NLRX1: variants seen among roughly 807,000 people sequenced by gnomAD.
NLRX1 encodes the protein NOD-like receptor X1.
A neutral mutation model predicts 74.2 loss-of-function variants in NLRX1; 67 were observed. The ratio of observed to expected loss-of-function variants is 0.90; its 90% CI spans 0.74 to 1.11. The LOEUF is 1.11. Ranked by LOEUF, NLRX1 falls within the 50% of genes least tolerant of loss-of-function variation. The pLI is 0.00. For missense variants in NLRX1, 1,191 were observed against 1,305.4 expected (o/e 0.91, Z 1.35); for synonymous variants, 506 against 559.1 (o/e 0.91, Z 1.34).
chr11:119,172,845 G>A, intron 3 of NLRX1, 56 bp from the exon 4 acceptor site: 2 of 1,326,478 alleles, frequency 1.5e-6, no homozygotes, highest in South Asian at 2.4e-5. Flanking sequence ...CCCAGAGCCT[G>A]TGAAGGGGCT....
chr11:119,177,806 A>G (rs1345119474), intron 6 of NLRX1: 1 of 152,064 alleles, frequency 6.6e-6, no homozygotes, highest in Non-Finnish European at 1.5e-5. Flanking sequence ...GGGATTCAGA[A>G]AGCCCCCAGT....
chr11:119,178,912 T>C (rs924484362), intron 6 of NLRX1, among the ~76,000 whole-genome samples: 39 of 152,284 alleles, frequency 2.6e-4, no homozygotes, highest in East Asian at 1.9e-4. Context: ...CTAGAACTCC[T>C]GGGCTCAAGT....
chr11:119,176,937 T>C (rs549563912), intron 6 of NLRX1, among the ~76,000 whole-genome samples: 79 of 152,306 alleles, frequency 5.2e-4, no homozygotes, highest in Non-Finnish European at 8.7e-4. Context: ...CTGTGAGACT[T>C]TGGACAGGTT....
chr11:119,172,976 C>T lies in NLRX1; in HGVS notation c.216C>T (p.Ser72=), dbSNP rs149657754. The change falls in exon 4 of 10, where the codon AGC becomes AGT. Residue 72 remains serine, a synonymous_variant. Coordinates refer to ENST00000409109, the MANE Select transcript of NLRX1 (RefSeq NM_001282144.2). ...GGAGGCATGGACGGCTGTTCCCCAG[C>T]GCCTCTGCAACTGGTAAAGGGACTG... is the stretch of plus-strand genomic sequence containing the variant. The part of the protein sequence containing the change: ...PPGRHGRLFP[S]ASATEAIQRH... 2.9e-5 allele frequency: 46 copies of T among 1,613,494 alleles called. No homozygotes were observed. The highest frequency in any genetic ancestry group is 2.4e-4 in the African/African-American group (18 of 74,944).
Position 119,174,457 on chromosome 11 carries a change from G to C in NLRX1, c.854G>C (p.Ser285Thr). Reference protein sequence around the residue: ...LLRKYMLPQASILVTTRPSAI... With the variant: ...LLRKYMLPQATILVTTRPSAI... ...TCTCAACCATGCTCTTCCCAGGCCA[G>C]CATTCTGGTGACCACTCGGCCCTCT... Residue 285 changes from serine to threonine, a missense_variant, in exon 6 of 10, where the codon AGC (serine) becomes ACC (threonine). Transcript: ENST00000409109. 2 of 1,612,928 alleles carry C rather than the reference G, an allele frequency of 1.2e-6. No individual in the cohort carries two copies. The highest frequency in any genetic ancestry group is 1.7e-6 in the Non-Finnish European group (2 of 1,179,166).
chr11:119,170,752 TGCTG>T (rs1489149749), intron 1 of NLRX1, among the ~76,000 whole-genome samples: 1 of 152,188 alleles, frequency 6.6e-6, no homozygotes, highest in Non-Finnish European at 1.5e-5. Context: ...TATCTGAGCT[TGCTG>T]GTGGCCAAGA....
At position 119,179,719 on chromosome 11, in the gene NLRX1, G is replaced by T. The variant is rs201906141; in HGVS notation, c.1698G>T (p.Met566Ile). The T allele has an allele frequency of 6.2e-7, 1 of 1,608,146 alleles. No homozygotes were observed. The highest frequency in any genetic ancestry group is 8.5e-7 in the Non-Finnish European group (1 of 1,175,878). The change falls in exon 7 of 10, where the codon ATG becomes ATT. Residue 566 changes from methionine to isoleucine, a missense_variant. By Grantham distance (10) the Met-to-Ile change is conservative (BLOSUM62 1). Coordinates refer to ENST00000409109, the MANE Select transcript of NLRX1 (RefSeq NM_001282144.2). ...IKVVPRVFGR[M>I]VGKSREAVAQ... is the part of the protein sequence containing the mutation. Reference sequence around the variant, plus strand: ...TGGTTCCACGAGTGTTTGGGCGCATGGTGGGTAAAAGCCGGGAGGCGGTGG... The same window carrying T: ...TGGTTCCACGAGTGTTTGGGCGCATTGTGGGTAAAAGCCGGGAGGCGGTGG...
chr11:119,173,825 G>A lies in NLRX1; in HGVS notation c.576G>A (p.Glu192=), dbSNP rs1371787828. ...DWCYGRLPAF[E]LLIPFSCEDL... is the part of the protein sequence containing the mutation. ...GTTATGGGCGGCTGCCGGCCTTCGA[G>A]CTGCTCATCCCCTTCTCCTGTGAGG... is the stretch of plus-strand genomic sequence containing the variant. Residue 192 remains glutamate (E), a synonymous_variant, in exon 5 of 10, where the codon GAG becomes GAA. Coordinates refer to ENST00000409109, the MANE Select transcript of NLRX1 (RefSeq NM_001282144.2). This position sits in a 1 kb window ranked among gnomAD's most constrained non-coding sequence, Gnocchi z 4.0. 1.2e-6 allele frequency: 2 copies of A among 1,613,574 alleles called. No individual in the cohort carries two copies. The highest frequency in any genetic ancestry group is 1.7e-6 in the Non-Finnish European group (2 of 1,180,028).
At chr11:119,174,334 A>T in intron 5 of NLRX1, 119 bp from the exon 6 acceptor site, 1 of 1,138,828 alleles carries the variant, frequency 8.8e-7, no homozygotes, top group Non-Finnish European at 1.3e-6. Flanking sequence ...GCTAGTTATA[A>T]CTGTTATCCT....
rs1302815208 is a variant in NLRX1, at chr11:119,173,106, C to T, written c.229+117C>T. 6.5e-6 allele frequency: 5 copies of T among 767,442 alleles called. No homozygotes were observed. The highest frequency in any genetic ancestry group is 3.4e-5 in the African/African-American group (2 of 58,356). The allele number at this position is 767,442 out of a possible 1,614,324, so 47.5% of individuals were successfully genotyped here. A position where few individuals can be genotyped will look rare whatever the true frequency, so the allele number is the denominator to read the frequency against. ...CTGCCATCTTCCATCGGTGGTCCCTCCTCCTCTCTCTCTCTCCCTCCCATC... is the reference window on the plus strand; with the variant it reads ...CTGCCATCTTCCATCGGTGGTCCCTTCTCCTCTCTCTCTCTCCCTCCCATC... On this transcript the variant is annotated intron_variant, in intron 4 of 9. Transcript: ENST00000409109. The surrounding 1 kb of genome is among the most constrained non-coding windows in gnomAD (Gnocchi z 4.0).
In NLRX1 at chr11:119,173,110, C is replaced by T; in HGVS notation, c.229+121C>T. On this transcript the variant is annotated intron_variant, in intron 4 of 9. Transcript: ENST00000409109. This position sits in a 1 kb window ranked among gnomAD's most constrained non-coding sequence, Gnocchi z 4.0. ...CATCTTCCATCGGTGGTCCCTCCTC[C>T]TCTCTCTCTCTCCCTCCCATCCGTC... is the stretch of plus-strand genomic sequence containing the variant. 1.5e-6 allele frequency: 1 copy of T among 668,588 alleles called. No homozygotes were observed. The highest frequency in any genetic ancestry group is 1.7e-5 in the South Asian group (1 of 58,892). The allele number at this position is 668,588 out of a possible 1,614,324, so 41.4% of individuals were successfully genotyped here.
Position 119,183,290 on chromosome 11 carries a change from GC to G in NLRX1, c.2782del (p.Arg928GlyfsTer56), listed in dbSNP as rs1948892934. 1.2e-6 allele frequency: 2 copies of G among 1,614,114 alleles called. No individual in the cohort carries two copies. Among genetic ancestry groups the G allele is most frequent in the Non-Finnish European group, 1.7e-6 (2 of 1,180,056 alleles). On this transcript the variant is annotated frameshift_variant, in exon 10 of 10. Transcript: ENST00000409109. LOFTEE classifies it high-confidence loss of function. This position sits in a 1 kb window ranked among gnomAD's most constrained non-coding sequence, Gnocchi z 5.7. ...VQRNLNSWDR[A>X]RVQRHLELLL... ...GCGGAACCTCAATAGCTGGGATCGG[GC>G]CCGGGTTCAGCGACACCTTGAGCTC...
At position 119,173,891 on chromosome 11, in the gene NLRX1, A is replaced by C; in HGVS notation, c.642A>C (p.Gln214His). The change falls in exon 5 of 10, where the codon CAA (glutamine) becomes CAC (histidine). Residue 214 changes from glutamine (Q) to histidine (H), a missense_variant. Transcript: ENST00000409109. This position sits in a 1 kb window ranked among gnomAD's most constrained non-coding sequence, Gnocchi z 4.0. ...SLGPAPASLC[Q>H]LVAQRYTPLK... Reference sequence around the variant, plus strand: ...GCCCTGCCCCAGCCTCCCTGTGCCAACTTGTGGCCCAGCGCTACACGCCCC... The same window carrying C: ...GCCCTGCCCCAGCCTCCCTGTGCCACCTTGTGGCCCAGCGCTACACGCCCC... The C allele has an allele frequency of 6.2e-7, 1 of 1,613,420 alleles. No individual in the cohort carries two copies. The highest frequency in any genetic ancestry group is 8.5e-7 in the Non-Finnish European group (1 of 1,179,996).
chr11:119,168,517 G>A (rs995396322), upstream of NLRX1: 1 of 152,230 alleles, frequency 6.6e-6, no homozygotes, highest in Non-Finnish European at 1.5e-5. Flanking sequence ...GAGGCCCAGG[G>A]GTAAGGTAGG....
In NLRX1 at chr11:119,182,123, G is replaced by T. The variant is rs949302644; in HGVS notation, c.2384G>T (p.Gly795Val). The T allele has an allele frequency of 6.8e-6, 11 of 1,614,052 alleles. No individual in the cohort carries two copies. Among genetic ancestry groups the T allele is most frequent in the Non-Finnish European group, 9.3e-6 (11 of 1,180,040 alleles). Reference sequence around the variant, plus strand: ...TCCAACAACCCGCTGACGGCGGCAGGTGTTGCCGTGCTAATGGAGGGGCTG... The same window carrying T: ...TCCAACAACCCGCTGACGGCGGCAGTTGTTGCCGTGCTAATGGAGGGGCTG... ...RLSNNPLTAA[G>V]VAVLMEGLAG... The change falls in exon 9 of 10, where the codon GGT becomes GTT. Residue 795 changes from glycine (G) to valine (V), a missense_variant. By Grantham distance (109) the Gly-to-Val change is moderately radical. Coordinates refer to ENST00000409109, the MANE Select transcript of NLRX1 (RefSeq NM_001282144.2).
At chr11:119,176,732 A>G (rs1346952064) in intron 6 of NLRX1, among the ~76,000 whole-genome samples, 1 of 152,100 alleles carries the variant, frequency 6.6e-6, no homozygotes, top group East Asian at 1.9e-4. Flanking sequence ...AAAAAATAAA[A>G]AATTTTTAAT....
rs147565919 is a variant in NLRX1 at position 119,174,922 on chromosome 11, G to A, written c.1319G>A (p.Arg440His). ...GKLAYEGVSS[R>H]KTYFSEEDVC... ...TTGGCCTATGAGGGGGTGTCCTCCC[G>A]CAAGACCTACTTCTCTGAAGAGGAT... The change falls in exon 6 of 10, where the codon CGC (arginine) becomes CAC (histidine). Residue 440 changes from arginine (R) to histidine (H), a missense_variant. Physicochemically the swap from Arg to His is conservative, Grantham distance 29. Transcript: ENST00000409109. 126 of 1,614,006 alleles carry A rather than the reference G, an allele frequency of 7.8e-5. 2 individuals are homozygous for A. Among genetic ancestry groups the A allele is most frequent in the South Asian group, 2.1e-4 (19 of 91,086 alleles).
intron 6 of NLRX1, among the ~76,000 whole-genome samples, chr11:119,178,948 G>C (rs1052250265): frequency 2.6e-5 from 4 of 152,178 alleles, no homozygotes; most frequent in Non-Finnish European, 4.4e-5. Flanking sequence ...GCCTCCCTAA[G>C]TGCTGGGATT....
At chr11:119,179,632 AC>A in intron 6 of NLRX1, 60 bp from the exon 7 acceptor site, 1 of 1,454,952 alleles carries the variant, frequency 6.9e-7, no homozygotes, top group Non-Finnish European at 9.4e-7. Flanking sequence ...CTTAAGCTGA[AC>A]CTTGAAGGCT....
Sources: allele counts gnomAD v4.1 joint callset (sites outside exome capture counted in the v4.1 genomes callset), GRCh38; gene constraint gnomAD v4.1.1; non-coding constraint Gnocchi (gnomAD v3.1); transcripts MANE v1.5; gene names NCBI Gene and HGNC (gene_info 2026-07-23, HGNC 2026-07-21).